LMX1B: variants seen among roughly 807,000 people sequenced by gnomAD.
LMX1B encodes the protein LIM homeobox transcription factor 1-beta.
In LMX1B, 12 loss-of-function variants were observed where a neutral mutation model predicts 51.4. The observed-to-expected ratio is 0.23, with a 90% CI of 0.15 to 0.38. LMX1B has a LOEUF of 0.38. Ranked by LOEUF, LMX1B falls within the 10% of genes least tolerant of loss-of-function variation. The pLI is 1.00. For missense variants in LMX1B, 445 were observed against 571.1 expected (o/e 0.78, Z 2.25); for synonymous variants, 237 against 235.4 (o/e 1.01, Z -0.06).
intron 2 of LMX1B, among the ~76,000 whole-genome samples, chr9:126,650,052 T>C (rs370763064): frequency 6.6e-5 from 10 of 152,338 alleles, no homozygotes; most frequent in African/African-American, 2.4e-4. Context: ...CCTTCTCAGC[T>C]TGGTGAGCCC....
At chr9:126,693,975 C>G in intron 6 of LMX1B, 163 bp downstream of exon 6, 1 of 586,332 alleles carries the variant, frequency 1.7e-6, no homozygotes, top group East Asian at 2.9e-5. Flanking sequence ...CAAAGGGGCC[C>G]GGGATGTTTC....
At chr9:126,652,619 G>C (rs1246175375) in intron 2 of LMX1B, among the ~76,000 whole-genome samples, 1 of 152,250 alleles carries the variant, frequency 6.6e-6, no homozygotes, top group East Asian at 1.9e-4. Flanking sequence ...CTGTGTGTGT[G>C]TGTGGATGGG....
Position 126,627,189 on chromosome 9 carries a change from C to CG in LMX1B, c.326+11622dup, listed in dbSNP as rs1835550122. ...GGGACCAGCAGGAAGAGAGACCCCC[C>CG]GGTCTCCTCCCCGTGGCCGGGTTAC... On this transcript the variant is annotated intron_variant, in intron 2 of 7. Coordinates refer to ENST00000373474, the MANE Select transcript of LMX1B (RefSeq NM_001174147.2). Among the ~76,000 whole-genome samples, 3 of 152,258 alleles carry CG rather than the reference C, an allele frequency of 2.0e-5. No homozygotes were observed. The South Asian group carries it at 6.2e-4, about 32-fold the overall frequency.
intron 2 of LMX1B, among the ~76,000 whole-genome samples, chr9:126,669,848 G>T (rs1836417911): frequency 6.6e-6 from 1 of 152,118 alleles, no homozygotes; most frequent in Non-Finnish European, 1.5e-5. Flanking sequence ...CCGCTCCTCT[G>T]CCCTTCCCCC....
chr9:126,676,864 G>A (rs189633864), intron 2 of LMX1B, among the ~76,000 whole-genome samples: 1 of 152,302 alleles, frequency 6.6e-6, no homozygotes, highest in East Asian at 1.9e-4. Context: ...AAAGCTAGGC[G>A]CTTTTTAATT....
chr9:126,666,912 A>G (rs1273595511), intron 2 of LMX1B, among the ~76,000 whole-genome samples: 1 of 152,212 alleles, frequency 6.6e-6, no homozygotes, highest in Non-Finnish European at 1.5e-5. Context: ...GCCCTGGGAG[A>G]ACAGTCATTT....
Position 126,693,337 on chromosome 9 carries a change from G to T in LMX1B, c.741+14G>T, listed in dbSNP as rs527313096. On this transcript the variant is annotated intron_variant, in intron 4 of 7. Coordinates refer to ENST00000373474, the MANE Select transcript of LMX1B (RefSeq NM_001174147.2). ...CCTTGCCGAAAGGTGAGGGGCGGCC[G>T]GGGGGCGGGGCTCAGGCTGATGCCC... 4.4e-6 allele frequency: 7 copies of T among 1,580,840 alleles called. No individual in the cohort carries two copies. The highest frequency in any genetic ancestry group is 3.4e-5 in the South Asian group (3 of 87,680).
chr9:126,692,068 T>C (rs1309196154), intron 3 of LMX1B, among the ~76,000 whole-genome samples: 4 of 152,166 alleles, frequency 2.6e-5, no homozygotes, highest in Non-Finnish European at 5.9e-5. Flanking sequence ...CCAGGCCCCA[T>C]GGGTAACCTG....
rs140965976 is a variant in LMX1B, at chr9:126,677,725, C to T, written c.327-13111C>T. Among the ~76,000 whole-genome samples the T allele has an allele frequency of 3.9e-3, 587 of 152,268 alleles. 3 individuals are homozygous for T. Among genetic ancestry groups the T allele is most frequent in the Middle Eastern group, 6.8e-3 (2 of 294 alleles). On this transcript the variant is annotated intron_variant, in intron 2 of 7. Coordinates refer to ENST00000373474, the MANE Select transcript of LMX1B (RefSeq NM_001174147.2). The surrounding 1 kb of genome is among the most constrained non-coding windows in gnomAD (Gnocchi z 5.0). Reference sequence around the variant, plus strand: ...CCGTGAGTGTAACGTCTAGTAGGAGCGTCTGCCAGCTTCATTCACAGCCTG... The same window carrying T: ...CCGTGAGTGTAACGTCTAGTAGGAGTGTCTGCCAGCTTCATTCACAGCCTG...
At position 126,615,513 on chromosome 9, in the gene LMX1B, C is replaced by T; in HGVS notation, c.270C>T (p.Leu90=). The change falls in exon 2 of 8, where the codon CTC becomes CTT. Residue 90 remains leucine (L), a synonymous_variant. Transcript: ENST00000373474. The surrounding 1 kb of genome is among the most constrained non-coding windows in gnomAD (Gnocchi z 6.0). ...CLQCAACQQA[L]TTSCYFRDRK... Reference sequence around the variant, plus strand: ...AGTGCGCGGCGTGTCAGCAAGCCCTCACCACCAGCTGCTACTTCCGGGATC... The same window carrying T: ...AGTGCGCGGCGTGTCAGCAAGCCCTTACCACCAGCTGCTACTTCCGGGATC... 1 of 1,611,872 alleles carries T rather than the reference C, an allele frequency of 6.2e-7. No individual in the cohort carries two copies. The highest frequency in any genetic ancestry group is 8.5e-7 in the Non-Finnish European group (1 of 1,178,848).
rs2030366738 is a variant in LMX1B at position 126,697,151 on chromosome 9, CAGAA to C, written c.*704_*707del. On this transcript the variant is annotated 3_prime_UTR_variant, in exon 8 of 8. Transcript: ENST00000373474. ...GCTCAGCGGGTCTGTCCTGCCTTGT[CAGAA>C]AGAGAAAAGGAGGCCAGGCAGGGGA... 1 of 152,490 alleles carries C rather than the reference CAGAA, an allele frequency of 6.6e-6. No individual in the cohort carries two copies. Among genetic ancestry groups the C allele is most frequent in the African/African-American group, 2.4e-5 (1 of 41,440 alleles). The allele number at this position is 152,490 out of a possible 1,614,324, so 9.4% of individuals were successfully genotyped here.
chr9:126,617,890 G>GTTAGATA lies in LMX1B; in HGVS notation c.326+2321_326+2322insTTAGATA, dbSNP rs1835332684. On this transcript the variant is annotated intron_variant, in intron 2 of 7. Coordinates refer to ENST00000373474, the MANE Select transcript of LMX1B (RefSeq NM_001174147.2). ...CCAATTAGGTATCTGCGTTAGGCCG[G>GTTAGATA]CCGGCAGGATGTGCTGGGGGTGGGG... 7.8e-5 allele frequency among the ~76,000 whole-genome samples: 9 copies of GTTAGATA among 116,076 alleles called. No individual in the cohort carries two copies. The South Asian group carries it at 2.9e-3, about 38-fold the overall frequency. The allele number at this position is 116,076 out of a possible 152,430, so 76.2% of individuals were successfully genotyped here.
chr9:126,642,241 G>T (rs952947529), intron 2 of LMX1B, among the ~76,000 whole-genome samples: 1 of 152,144 alleles, frequency 6.6e-6, no homozygotes, highest in Non-Finnish European at 1.5e-5. Flanking sequence ...CTGGCTGAGC[G>T]GACCTGTGAG....
At chr9:126,689,662 T>G (rs886945563) in intron 2 of LMX1B, among the ~76,000 whole-genome samples, 1 of 152,176 alleles carries the variant, frequency 6.6e-6, no homozygotes, top group African/African-American at 2.4e-5. Flanking sequence ...CCAGCCCTCC[T>G]GCTAGTGCTG....
In LMX1B at chr9:126,625,889, C is replaced by T. The variant is rs2118848709; in HGVS notation, c.326+10320C>T. 1.3e-5 allele frequency among the ~76,000 whole-genome samples: 2 copies of T among 152,338 alleles called. No homozygotes were observed. The highest frequency in any genetic ancestry group is 4.1e-4 in the South Asian group (2 of 4,832). On this transcript the variant is annotated intron_variant, in intron 2 of 7. Coordinates refer to ENST00000373474, the MANE Select transcript of LMX1B (RefSeq NM_001174147.2). The surrounding 1 kb of genome is among the most constrained non-coding windows in gnomAD (Gnocchi z 5.3). ...GCGGGCGCCGAGGCTTGGGCTTTAG[C>T]CGTGGCGCTCGCCTCGGCGCAGTGG...
At chr9:126,646,992 G>T (rs1835914645) in intron 2 of LMX1B, among the ~76,000 whole-genome samples, 1 of 152,190 alleles carries the variant, frequency 6.6e-6, no homozygotes, top group Non-Finnish European at 1.5e-5. Context: ...GTGGATCAGG[G>T]AAGGTCTTAT....
intron 2 of LMX1B, among the ~76,000 whole-genome samples, chr9:126,662,918 G>A (rs566181263): frequency 7.7e-4 from 117 of 152,334 alleles, no homozygotes; most frequent in African/African-American, 2.3e-3. Flanking sequence ...GCAGAGGCAG[G>A]ACTACCCGTC....
At position 126,695,417 on chromosome 9, in the gene LMX1B, T is replaced by TCC. The variant is rs916885042; in HGVS notation, c.887-419_887-418dup. ...TTGCCGCCCCTCAGCCTGGCTTGCCTCCCCTGCTCTGGCCTGTTGAGCCCC... is the reference window on the plus strand; with the variant it reads ...TTGCCGCCCCTCAGCCTGGCTTGCCTCCCCCCTGCTCTGGCCTGTTGAGCCCC... On this transcript the variant is annotated intron_variant, in intron 6 of 7. Coordinates refer to ENST00000373474, the MANE Select transcript of LMX1B (RefSeq NM_001174147.2). This position sits in a 1 kb window ranked among gnomAD's most constrained non-coding sequence, Gnocchi z 5.2. Among the ~76,000 whole-genome samples the TCC allele has an allele frequency of 2.0e-5, 3 of 152,170 alleles. No individual in the cohort carries two copies. The highest frequency in any genetic ancestry group is 7.2e-5 in the African/African-American group (3 of 41,430).
chr9:126,627,708 C>T (rs893996054), intron 2 of LMX1B, among the ~76,000 whole-genome samples: 1 of 152,266 alleles, frequency 6.6e-6, no homozygotes, highest in Non-Finnish European at 1.5e-5. Context: ...GCCACACTCA[C>T]AGGGACCTTG....
Sources: gnomAD v4.1 joint callset for allele counts (sites outside exome capture counted in the v4.1 genomes callset) on GRCh38, gnomAD v4.1.1 for gene constraint, Gnocchi (gnomAD v3.1) non-coding constraint, MANE v1.5 for transcripts, NCBI Gene and HGNC (gene_info 2026-07-23, HGNC 2026-07-21) for gene names.